NR5A2: variants seen among roughly 807,000 people sequenced by gnomAD.
The protein encoded by NR5A2 is nuclear receptor subfamily 5 group A member 2, also known as CYP7A promoter-binding factor.
In NR5A2, 26 loss-of-function variants were observed where a neutral mutation model predicts 62.7. That is an observed-to-expected ratio of 0.41 (90% CI 0.30 to 0.58). The LOEUF is 0.58. Ranked by LOEUF, NR5A2 falls within the 20% of genes least tolerant of loss-of-function variation. The pLI, the probability that NR5A2 is intolerant of heterozygous loss-of-function variation, is 0.22. For missense variants in NR5A2, 541 were observed against 669.1 expected (o/e 0.81, Z 2.11); for synonymous variants, 246 against 241.7 (o/e 1.02, Z -0.16).
chr1:200,118,417 C>A (rs1048179333), intron 6 of NR5A2, among the ~76,000 whole-genome samples: 1 of 152,218 alleles, frequency 6.6e-6, no homozygotes, highest in African/African-American at 2.4e-5. Flanking sequence ...CTTGTCCCAT[C>A]TATGATTCTT....
chr1:200,066,588 C>CTTTTCTTTT lies in NR5A2; in HGVS notation c.1110+17774_1110+17775insCTTTTTTTT, dbSNP rs1553267898. The stretch of plus-strand genomic sequence containing the variant: ...CCCTGCCATCTATTTAATTAATTAT[C>CTTTTCTTTT]TTTTTTTTTTTTTTTTTGAGAGGGA... On this transcript the variant is annotated intron_variant, in intron 5 of 7. Transcript: ENST00000367362. 6.2e-5 allele frequency among the ~76,000 whole-genome samples: 7 copies of CTTTTCTTTT among 113,144 alleles called. 1 individual carries two copies. Among genetic ancestry groups the CTTTTCTTTT allele is most frequent in the African/African-American group, 2.9e-4 (7 of 24,454 alleles). 74.2% of individuals were successfully genotyped at this position (113,144 alleles called of 152,430 possible). A position where few individuals can be genotyped will look rare whatever the true frequency, so the allele number is the denominator to read the frequency against.
intron 6 of NR5A2, among the ~76,000 whole-genome samples, chr1:200,119,584 T>C (rs566450898): frequency 6.6e-6 from 1 of 152,320 alleles, no homozygotes; most frequent in Admixed American, 6.5e-5. Context: ...TTGTTATAAA[T>C]TGAACTTCTT....
At chr1:200,127,196 A>G (rs1017637229) in intron 7 of NR5A2, among the ~76,000 whole-genome samples, 2 of 152,228 alleles carry the variant, frequency 1.3e-5, no homozygotes, top group African/African-American at 2.4e-5. Flanking sequence ...TTTCTGATTC[A>G]GCCTACTTTC....
At chr1:200,042,837 C>G (rs1662174675) in intron 2 of NR5A2, 1 of 985,428 alleles carries the variant, frequency 1.0e-6, no homozygotes, top group East Asian at 1.1e-4. Context: ...AGTTTGTCAT[C>G]TTTTTAGCTG....
At chr1:200,155,314 A>G (rs1653325039) in intron 7 of NR5A2, among the ~76,000 whole-genome samples, 1 of 152,376 alleles carries the variant, frequency 6.6e-6, no homozygotes, top group African/African-American at 2.4e-5. Context: ...CAAATGGCAC[A>G]TTCATTAAGT....
rs780225084 is a variant in NR5A2 at position 200,039,621 on chromosome 1, T to G, written c.65-37T>G. ...AGGCATCCCGGTCGCCCCTTCCTTC[T>G]TTTCGCCGGAGTTGAATCTGTGCTG... On this transcript the variant is annotated intron_variant, in intron 1 of 7. Coordinates refer to ENST00000367362, the MANE Select transcript of NR5A2 (RefSeq NM_205860.3). The surrounding 1 kb of genome is among the most constrained non-coding windows in gnomAD (Gnocchi z 5.1). 1.9e-5 allele frequency: 31 copies of G among 1,606,488 alleles called. No individual in the cohort carries two copies. Among genetic ancestry groups the G allele is most frequent in the Admixed American group, 5.0e-5 (3 of 59,668 alleles).
chr1:200,045,316 C>A, intron 3 of NR5A2, 127 bp from the exon 4 acceptor site: 1 of 754,524 alleles, frequency 1.3e-6, no homozygotes, highest in Non-Finnish European at 2.0e-6. Flanking sequence ...GTAAAATAAA[C>A]CACAGAACCA....
Position 200,080,425 on chromosome 1 carries a change from T to C in NR5A2, c.1111-30777T>C, listed in dbSNP as rs147358900. On this transcript the variant is annotated intron_variant, in intron 5 of 7. Transcript: ENST00000367362. ...TTTGAAATTTAATTATTAACTCTGG[T>C]TTGAGATATATATATATAAAATCTT... 2.1e-3 allele frequency among the ~76,000 whole-genome samples: 315 copies of C among 152,270 alleles called. 1 individual carries two copies. Among genetic ancestry groups the C allele is most frequent in the Non-Finnish European group, 3.2e-3 (219 of 68,014 alleles).
At chr1:200,148,027 T>C (rs1205104554) in intron 7 of NR5A2, 2 of 305,054 alleles carry the variant, frequency 6.6e-6, no homozygotes, top group East Asian at 8.8e-5. Flanking sequence ...AAGGCCACGT[T>C]GGGCAGGTCG....
chr1:200,060,148 C>G (rs1250353365), intron 5 of NR5A2, among the ~76,000 whole-genome samples: 1 of 152,168 alleles, frequency 6.6e-6, no homozygotes, highest in African/African-American at 2.4e-5. Context: ...TCCTTGTCCA[C>G]TTTTCTTCTG....
chr1:200,067,354 C>T (rs1033307371), intron 5 of NR5A2, among the ~76,000 whole-genome samples: 1 of 152,186 alleles, frequency 6.6e-6, no homozygotes, highest in South Asian at 2.1e-4. Flanking sequence ...GTTGGGAGTT[C>T]AAGACCAGCC....
At chr1:200,166,882 A>G (rs1653928679) in intron 7 of NR5A2, among the ~76,000 whole-genome samples, 1 of 152,232 alleles carries the variant, frequency 6.6e-6, no homozygotes, top group South Asian at 2.1e-4. Flanking sequence ...CATATGTTAA[A>G]GACACTTGTC....
Position 200,053,569 on chromosome 1 carries a change from GCACACACACA to G in NR5A2, c.1110+4780_1110+4789del, listed in dbSNP as rs34611924. ...CCCTCATCCCCCCCAGCATGCACACGCACACACACACACACACACACACACACACACACAC... is the reference window on the plus strand; with the variant it reads ...CCCTCATCCCCCCCAGCATGCACACGCACACACACACACACACACACACAC... On this transcript the variant is annotated intron_variant, in intron 5 of 7. Coordinates refer to ENST00000367362, the MANE Select transcript of NR5A2 (RefSeq NM_205860.3). 1.6e-3 allele frequency among the ~76,000 whole-genome samples: 221 copies of G among 142,102 alleles called. 3 individuals carry two copies. Among genetic ancestry groups the G allele is most frequent in the East Asian group, 1.5e-3 (7 of 4,784 alleles). 93.2% of individuals were successfully genotyped at this position (142,102 alleles called of 152,430 possible). A position where few individuals can be genotyped will look rare whatever the true frequency, so the allele number is the denominator to read the frequency against.
At chr1:200,160,524 T>A (rs1653594852) in intron 7 of NR5A2, among the ~76,000 whole-genome samples, 1 of 152,202 alleles carries the variant, frequency 6.6e-6, no homozygotes, top group African/African-American at 2.4e-5. Flanking sequence ...TTTAATTGGC[T>A]AAGCTAATAT....
chr1:200,075,900 T>TC (rs1553268801), intron 5 of NR5A2, among the ~76,000 whole-genome samples: 6 of 151,966 alleles, frequency 3.9e-5, no homozygotes, highest in East Asian at 1.9e-4. Flanking sequence ...TCTTTTCTTT[T>TC]TTTTTTGTTA....
chr1:200,086,169 T>G (rs1486967167), intron 5 of NR5A2, among the ~76,000 whole-genome samples: 1 of 152,204 alleles, frequency 6.6e-6, no homozygotes, highest in Non-Finnish European at 1.5e-5. Context: ...CAGAGTCCAG[T>G]ATGATTCACT....
intron 5 of NR5A2, among the ~76,000 whole-genome samples, chr1:200,055,856 A>C (rs1436223508): frequency 6.6e-6 from 1 of 152,194 alleles, no homozygotes; most frequent in Non-Finnish European, 1.5e-5. Flanking sequence ...CTCATCACAA[A>C]GTTGCCAGAA....
intron 6 of NR5A2, 91 bp downstream of exon 6, chr1:200,111,412 G>A: frequency 7.0e-7 from 1 of 1,424,738 alleles, no homozygotes; most frequent in East Asian, 2.4e-5. Flanking sequence ...AAGCACTCTT[G>A]TGCTTTGAAA....
intron 1 of NR5A2, among the ~76,000 whole-genome samples, chr1:200,038,421 G>T (rs1661882531): frequency 2.0e-5 from 3 of 152,284 alleles, no homozygotes; most frequent in Admixed American, 2.0e-4. Context: ...AATTCTATGA[G>T]TGAGCTCTTG....
Sources: allele counts gnomAD v4.1 joint callset (sites outside exome capture counted in the v4.1 genomes callset), GRCh38; gene constraint gnomAD v4.1.1; non-coding constraint Gnocchi (gnomAD v3.1); transcripts MANE v1.5; gene names NCBI Gene and HGNC (gene_info 2026-07-23, HGNC 2026-07-21).